The following SHCBP1 variants were observed in gnomAD, a reference collection of about 807,000 sequenced individuals.
SHCBP1 encodes SHC binding and spindle associated 1, also known as SHC SH2 domain-binding protein 1.
A neutral mutation model predicts 75.1 loss-of-function variants in SHCBP1; 60 were observed. That is an observed-to-expected ratio of 0.80 (90% CI 0.65 to 0.99). The LOEUF (loss-of-function observed/expected upper bound fraction) is 0.99. Ranked by LOEUF, SHCBP1 falls within the 50% of genes least tolerant of loss-of-function variation. The pLI is 0.00. For synonymous variants in SHCBP1, 290 were observed against 293.2 expected (o/e 0.99, Z 0.11); for missense variants, 709 against 809.4 (o/e 0.88, Z 1.50).
intron 9 of SHCBP1, among the ~76,000 whole-genome samples, chr16:46,596,718 T>C (rs1965149105): frequency 6.6e-6 from 1 of 151,184 alleles, no homozygotes; most frequent in Non-Finnish European, 1.5e-5. Context: ...GCGCCCAGCC[T>C]AAATGAGTAA....
At chr16:46,596,312 C>G (rs939715001) in intron 9 of SHCBP1, among the ~76,000 whole-genome samples, 1 of 151,970 alleles carries the variant, frequency 6.6e-6, no homozygotes, top group Non-Finnish European at 1.5e-5. Flanking sequence ...TCAAGACCAA[C>G]CTGGCCAACA....
intron 10 of SHCBP1, among the ~76,000 whole-genome samples, chr16:46,584,628 C>T (rs1456006700): frequency 1.3e-5 from 2 of 152,188 alleles, no homozygotes; most frequent in African/African-American, 4.8e-5. Flanking sequence ...TTCCCTACCA[C>T]ACACGTTAAC....
chr16:46,619,763 G>A (rs1203065052), intron 1 of SHCBP1, among the ~76,000 whole-genome samples: 3 of 152,046 alleles, frequency 2.0e-5, no homozygotes, highest in Admixed American at 6.6e-5. Context: ...GGCCAGGCAC[G>A]GTGGCTCACA....
At chr16:46,595,520 A>T (rs764676760) in intron 10 of SHCBP1, 32 bp downstream of exon 10, 1 of 1,541,402 alleles carries the variant, frequency 6.5e-7, no homozygotes, top group East Asian at 2.2e-5. Context: ...CTTAAACACA[A>T]ACTACTTCCC....
intron 10 of SHCBP1, among the ~76,000 whole-genome samples, chr16:46,584,550 C>T (rs1964927339): frequency 6.6e-6 from 1 of 152,022 alleles, no homozygotes; most frequent in Non-Finnish European, 1.5e-5. Flanking sequence ...CCACATTTTC[C>T]AAAACGTGTC....
intron 10 of SHCBP1, among the ~76,000 whole-genome samples, chr16:46,590,250 A>T (rs2142998343): frequency 6.6e-6 from 1 of 152,322 alleles, no homozygotes; most frequent in Middle Eastern, 3.4e-3. Flanking sequence ...TTCAGGACAT[A>T]CGCATGGCAG....
intron 9 of SHCBP1, among the ~76,000 whole-genome samples, chr16:46,599,386 G>C (rs988349840): frequency 6.6e-6 from 1 of 152,104 alleles, no homozygotes; most frequent in Non-Finnish European, 1.5e-5. Context: ...TCAAGGAATA[G>C]GGTAGCCCAA....
chr16:46,581,895 A>C lies in SHCBP1; in HGVS notation c.1853T>G (p.Leu618Arg), dbSNP rs1964877295. 1 of 1,614,166 alleles carries C rather than the reference A, an allele frequency of 6.2e-7. No individual in the cohort carries two copies. The highest frequency in any genetic ancestry group is 8.5e-7 in the Non-Finnish European group (1 of 1,180,034). The change falls in exon 13 of 13, where the codon CTA becomes CGA. Residue 618 changes from leucine to arginine, a missense_variant. Coordinates refer to ENST00000303383, the MANE Select transcript of SHCBP1 (RefSeq NM_024745.5). Reference protein sequence around the residue: ...VEGNCEIVNELIAASTQKGQI... With the variant: ...VEGNCEIVNERIAASTQKGQI... ...GCCTTTCTGTGTGGAGGCAGCAATT[A>C]GTTCATTTACAATTTCACAATTTCC...
intron 1 of SHCBP1, among the ~76,000 whole-genome samples, chr16:46,619,729 T>C (rs941989525): frequency 2.0e-5 from 3 of 152,204 alleles, no homozygotes; most frequent in African/African-American, 7.2e-5. Context: ...AGAAGTTATA[T>C]ACATTTAAAG....
chr16:46,586,140 A>T (rs779050789), intron 10 of SHCBP1, among the ~76,000 whole-genome samples: 1 of 152,226 alleles, frequency 6.6e-6, no homozygotes, highest in Non-Finnish European at 1.5e-5. Context: ...ACAGATGCCA[A>T]AACCAAGATG....
intron 10 of SHCBP1, among the ~76,000 whole-genome samples, chr16:46,587,973 C>T (rs909471074): frequency 1.3e-5 from 2 of 152,056 alleles, no homozygotes; most frequent in African/African-American, 2.4e-5. Flanking sequence ...TCTCTCAGAC[C>T]ACAGTGCAAT....
chr16:46,613,803 C>A (rs1240124080), intron 4 of SHCBP1, among the ~76,000 whole-genome samples: 1 of 152,176 alleles, frequency 6.6e-6, no homozygotes, highest in Non-Finnish European at 1.5e-5. Flanking sequence ...ACCAGACATA[C>A]CCCATCCTTG....
chr16:46,611,434 T>C (rs1965414987), intron 4 of SHCBP1, among the ~76,000 whole-genome samples: 1 of 152,232 alleles, frequency 6.6e-6, no homozygotes, highest in South Asian at 2.1e-4. Flanking sequence ...CCTTATAATT[T>C]CCGCTTTGCA....
rs1965525574 is a variant in SHCBP1 at position 46,617,803 on chromosome 16, T to G, written c.272-54A>C. On this transcript the variant is annotated intron_variant, in intron 2 of 12. Coordinates refer to ENST00000303383, the MANE Select transcript of SHCBP1 (RefSeq NM_024745.5). ...TGAGAATGCATAAAGCAGAGGGAAGTTAATAAATCCACTTTCTCAGAAACA... is the reference window on the plus strand; with the variant it reads ...TGAGAATGCATAAAGCAGAGGGAAGGTAATAAATCCACTTTCTCAGAAACA... 9.8e-6 allele frequency: 13 copies of G among 1,324,930 alleles called. 1 individual carries two copies. In the South Asian group the frequency reaches 1.5e-4, roughly 16 times the overall value. 82.1% of individuals were successfully genotyped at this position (1,324,930 alleles called of 1,614,324 possible).
At chr16:46,608,682 C>G (rs1277966814) in intron 4 of SHCBP1, among the ~76,000 whole-genome samples, 1 of 147,708 alleles carries the variant, frequency 6.8e-6, no homozygotes, top group Non-Finnish European at 1.5e-5. Flanking sequence ...TGGCTCACTG[C>G]AACCTCCGCC....
At position 46,595,821 on chromosome 16, in the gene SHCBP1, T is replaced by A. The variant is rs1009568853; in HGVS notation, c.1346-151A>T. 1.2e-4 allele frequency: 69 copies of A among 554,414 alleles called. No individual in the cohort carries two copies. In the Admixed American group the frequency reaches 2.4e-3, roughly 19 times the overall value. The allele number at this position is 554,414 out of a possible 1,614,324, so 34.3% of individuals were successfully genotyped here. ...ACCTAAATTACAAATTCATAAAATA[T>A]AAAACAATGACTATTTTGAGTTATT... is the stretch of plus-strand genomic sequence containing the variant. On this transcript the variant is annotated intron_variant, in intron 9 of 12. Transcript: ENST00000303383.
At chr16:46,610,478 T>TC (rs1236205783) in intron 4 of SHCBP1, among the ~76,000 whole-genome samples, 1 of 150,946 alleles carries the variant, frequency 6.6e-6, no homozygotes. Flanking sequence ...CCCTCTTTTT[T>TC]CCCTTGCAAT....
chr16:46,607,181 C>G (rs544165275), intron 5 of SHCBP1, among the ~76,000 whole-genome samples: 32 of 152,084 alleles, frequency 2.1e-4, no homozygotes, highest in Non-Finnish European at 3.8e-4. Context: ...ATGGTGAAAC[C>G]CTGTCTCTAC....
intron 7 of SHCBP1, 83 bp downstream of exon 7, chr16:46,603,892 G>A (rs1031864456): frequency 2.6e-6 from 4 of 1,514,602 alleles, no homozygotes; most frequent in African/African-American, 2.8e-5. Context: ...GAAAGCTCCT[G>A]TAAATACTTT....
Sources: allele counts gnomAD v4.1 joint callset (sites outside exome capture counted in the v4.1 genomes callset), GRCh38; gene constraint gnomAD v4.1.1; transcripts MANE v1.5; gene names NCBI Gene and HGNC (gene_info 2026-07-23, HGNC 2026-07-21).